EDEM1: variants seen among roughly 807,000 people sequenced by gnomAD.
EDEM1 encodes the protein ER degradation enhancing alpha-mannosidase like protein 1.
A neutral mutation model predicts 74.4 loss-of-function variants in EDEM1; 67 were observed. The observed-to-expected ratio is 0.90, with a 90% CI of 0.74 to 1.10. The LOEUF is 1.10. Ranked by LOEUF, EDEM1 falls within the 50% of genes least tolerant of loss-of-function variation. The pLI is 0.00. For missense variants in EDEM1, 926 were observed against 851.6 expected, an observed-to-expected ratio of 1.09 and a Z score of -1.09; for synonymous variants, 382 against 335.9, an observed-to-expected ratio of 1.14 and a Z score of -1.50.
chr3:5,202,143 C>A (rs1364884171), intron 4 of EDEM1, among the ~76,000 whole-genome samples: 4 of 152,216 alleles, frequency 2.6e-5, no homozygotes, highest in Non-Finnish European at 5.9e-5. Flanking sequence ...AGTGATATAT[C>A]TGACTTATTC....
intron 8 of EDEM1, among the ~76,000 whole-genome samples, 184 bp from the exon 9 acceptor site, chr3:5,209,991 G>T (rs1575591190): frequency 6.6e-6 from 1 of 152,232 alleles, no homozygotes; most frequent in African/African-American, 2.4e-5. Flanking sequence ...ACTCTTTGAT[G>T]TGAACTGACG....
intron 1 of EDEM1, among the ~76,000 whole-genome samples, chr3:5,191,753 A>G (rs1477272272): frequency 6.6e-6 from 1 of 152,202 alleles, no homozygotes; most frequent in Admixed American, 6.5e-5. Context: ...ACATGAAGTG[A>G]ATAAAACCTG....
At chr3:5,189,842 A>G (rs1017615504) in intron 1 of EDEM1, among the ~76,000 whole-genome samples, 2 of 152,002 alleles carry the variant, frequency 1.3e-5, no homozygotes, top group Admixed American at 1.3e-4. Context: ...CTCGTGATCC[A>G]CCCGCCTGGG....
chr3:5,188,720 C>T (rs1399639954), intron 1 of EDEM1, among the ~76,000 whole-genome samples: 1 of 152,220 alleles, frequency 6.6e-6, no homozygotes, highest in Non-Finnish European at 1.5e-5. Context: ...CGTGTAAACG[C>T]AGCCTCAGAA....
chr3:5,211,672 G>A (rs1473609195), intron 10 of EDEM1, among the ~76,000 whole-genome samples: 1 of 151,880 alleles, frequency 6.6e-6, no homozygotes, highest in African/African-American at 2.4e-5. Context: ...GTGTGTGTGT[G>A]TGTGTGTGTG....
chr3:5,211,324 C>T, intron 10 of EDEM1, 108 bp downstream of exon 10: 1 of 1,050,434 alleles, frequency 9.5e-7, no homozygotes, highest in Non-Finnish European at 1.4e-6. Flanking sequence ...ATGTGCTGGA[C>T]ATTGTGCATT....
rs1410430968 is a variant in EDEM1, at chr3:5,208,204, G to T, written c.1450G>T (p.Asp484Tyr). Residue 484 changes from aspartate to tyrosine, a missense_variant, in exon 8 of 12, where the codon GAC becomes TAC. By Grantham distance (160) the Asp-to-Tyr change is radical. Transcript: ENST00000256497. ...ATATAACTGGCAGCTGCAGGCCCCT[G>T]ACGTTCTCTTCTACCCACTGAGACC... ...ERYNWQLQAP[D>Y]VLFYPLRPEL... 25 of 1,613,674 alleles carry T rather than the reference G, an allele frequency of 1.5e-5. No individual in the cohort carries two copies. Among genetic ancestry groups the T allele is most frequent in the Non-Finnish European group, 2.0e-5 (24 of 1,179,932 alleles).
intron 11 of EDEM1, 64 bp from the exon 12 acceptor site, chr3:5,215,765 C>T (rs1016811720): frequency 1.3e-5 from 19 of 1,424,848 alleles, no homozygotes; most frequent in East Asian, 6.8e-5. Context: ...TTAAGTCATC[C>T]AGTCACATTT....
At chr3:5,191,738 A>C (rs1400822831) in intron 1 of EDEM1, among the ~76,000 whole-genome samples, 1 of 152,196 alleles carries the variant, frequency 6.6e-6, no homozygotes, top group African/African-American at 2.4e-5. Context: ...TCAGGTAAGG[A>C]GTTAACATGA....
chr3:5,215,957 A>G lies in EDEM1; in HGVS notation c.*39A>G, dbSNP rs2055229791. The G allele has an allele frequency of 6.4e-7, 1 of 1,568,274 alleles. No homozygotes were observed. The highest frequency in any genetic ancestry group is 8.7e-7 in the Non-Finnish European group (1 of 1,143,926). ...AGGCCTCATCTTGAACCAGACCTTA[A>G]CGACCAAACCCAGACCATGCCAAAG... is the stretch of plus-strand genomic sequence containing the variant. On this transcript the variant is annotated 3_prime_UTR_variant, in exon 12 of 12. Transcript: ENST00000256497.
At chr3:5,199,275 C>T (rs1451049142) in intron 2 of EDEM1, among the ~76,000 whole-genome samples, 1 of 152,158 alleles carries the variant, frequency 6.6e-6, no homozygotes, top group Non-Finnish European at 1.5e-5. Context: ...AACCACAATG[C>T]CTGGCATGTT....
chr3:5,201,680 A>G (rs2055036580), intron 3 of EDEM1, 73 bp from the exon 4 acceptor site: 5 of 1,572,974 alleles, frequency 3.2e-6, no homozygotes, highest in Admixed American at 1.7e-5. Flanking sequence ...ACATACTTCT[A>G]TCTTTCTGAA....
At chr3:5,213,988 A>G (rs531536330) in intron 11 of EDEM1, among the ~76,000 whole-genome samples, 26 of 152,322 alleles carry the variant, frequency 1.7e-4, no homozygotes, top group African/African-American at 6.0e-4. Context: ...CAAATGGAAG[A>G]CATTCAGCAA....
Position 5,201,798 on chromosome 3 carries a change from C to T in EDEM1, c.732C>T (p.Ser244=), listed in dbSNP as rs1376821678. Residue 244 remains serine, a synonymous_variant, in exon 4 of 12, where the codon TCC becomes TCT. Transcript: ENST00000256497. ...LLSAHRIITD[S]KQPFGDMTIK... is the part of the protein sequence containing the mutation. ...CTGCTCACAGAATAATAACTGACTC[C>T]AAGCAGCCCTTTGGTGACATGACAA... 4 of 1,614,036 alleles carry T rather than the reference C, an allele frequency of 2.5e-6. No individual in the cohort carries two copies. Among genetic ancestry groups the T allele is most frequent in the East Asian group, 2.2e-5 (1 of 44,892 alleles).
chr3:5,194,666 G>A (rs758036211), intron 1 of EDEM1, among the ~76,000 whole-genome samples: 5 of 152,246 alleles, frequency 3.3e-5, no homozygotes, highest in Middle Eastern at 3.4e-3. Context: ...AAGACCCTTT[G>A]GATGAGTTAT....
At chr3:5,194,453 A>T (rs1381951125) in intron 1 of EDEM1, among the ~76,000 whole-genome samples, 1 of 152,204 alleles carries the variant, frequency 6.6e-6, no homozygotes, top group Non-Finnish European at 1.5e-5. Context: ...TTACAAAGAC[A>T]TACCACAGTG....
chr3:5,210,349 A>G, intron 9 of EDEM1, 101 bp downstream of exon 9: 1 of 1,128,524 alleles, frequency 8.9e-7, no homozygotes, highest in South Asian at 1.3e-5. Context: ...TTATAGAACC[A>G]GGTCATTAAT....
chr3:5,207,083 G>C, intron 6 of EDEM1, 70 bp from the exon 7 acceptor site: 1 of 1,574,310 alleles, frequency 6.4e-7, no homozygotes, highest in Non-Finnish European at 8.6e-7. Context: ...ACTACCAGCA[G>C]CTGCTGGAGA....
chr3:5,216,191 A>G lies in EDEM1; in HGVS notation c.*273A>G, dbSNP rs1367903272. Reference sequence around the variant, plus strand: ...CATGTTGATGTTATAAGCACAATAGATGGGGCATCTTTGGATTGATGTTCA... The same window carrying G: ...CATGTTGATGTTATAAGCACAATAGGTGGGGCATCTTTGGATTGATGTTCA... On this transcript the variant is annotated 3_prime_UTR_variant, in exon 12 of 12. Transcript: ENST00000256497. The G allele has an allele frequency of 9.2e-6, 4 of 433,580 alleles. No individual in the cohort carries two copies. The highest frequency in any genetic ancestry group is 2.1e-5 in the African/African-American group (1 of 48,344). The allele number at this position is 433,580 out of a possible 1,614,324, so 26.9% of individuals were successfully genotyped here. A position where few individuals can be genotyped will look rare whatever the true frequency, so the allele number is the denominator to read the frequency against.
Sources: gnomAD v4.1 joint callset for allele counts (sites outside exome capture counted in the v4.1 genomes callset) on GRCh38, gnomAD v4.1.1 for gene constraint, MANE v1.5 for transcripts, NCBI Gene and HGNC (gene_info 2026-07-23, HGNC 2026-07-21) for gene names.